Variants in GON4L observed in about 807,000 individuals in gnomAD.
The protein encoded by GON4L is gon-4 like.
GON4L carries 87 observed loss-of-function variants against 211.8 expected under a neutral mutation model. The observed-to-expected ratio is 0.41, with a 90% CI of 0.35 to 0.49. The LOEUF (loss-of-function observed/expected upper bound fraction) is 0.49. Among genes scored for constraint, GON4L ranks in the 20% least tolerant of loss-of-function variants. The pLI is 0.15. For missense variants in GON4L, 2,155 were observed against 2,659.5 expected (o/e 0.81, Z 4.17); for synonymous variants, 875 against 962.6 (o/e 0.91, Z 1.68).
intron 19 of GON4L, among the ~76,000 whole-genome samples, chr1:155,770,023 TAAAAAAAAAAAAAAAA>T (rs59380170): frequency 9.8e-4 from 43 of 43,714 alleles, no homozygotes; most frequent in South Asian, 7.8e-3. Flanking sequence ...CTCCATTTCT[TAAAAAAAAAAAAAAAA>T]AAAAAAAAAA....
chr1:155,810,565 G>A (rs567673129), intron 10 of GON4L, among the ~76,000 whole-genome samples: 139 of 151,854 alleles, frequency 9.2e-4, no homozygotes, highest in African/African-American at 3.2e-3. Context: ...AAAATTAGCC[G>A]GGCATGGTGT....
chr1:155,790,991 G>A (rs1665492778), intron 12 of GON4L, among the ~76,000 whole-genome samples: 1 of 151,676 alleles, frequency 6.6e-6, no homozygotes, highest in Non-Finnish European at 1.5e-5. Flanking sequence ...GCTGGGCGCA[G>A]TGGCTCGCGC....
intron 12 of GON4L, among the ~76,000 whole-genome samples, chr1:155,786,678 G>C (rs1311002476): frequency 6.6e-6 from 1 of 152,182 alleles, no homozygotes; most frequent in African/African-American, 2.4e-5. Flanking sequence ...AAAGCTGAAA[G>C]GGACTGCCAA....
intron 2 of GON4L, among the ~76,000 whole-genome samples, chr1:155,850,836 G>A (rs948545373): frequency 1.3e-5 from 2 of 151,278 alleles, no homozygotes; most frequent in Non-Finnish European, 2.9e-5. Context: ...GGATCACGAG[G>A]TCAGGAGTTC....
At chr1:155,813,170 A>G (rs1667947101) in intron 10 of GON4L, among the ~76,000 whole-genome samples, 1 of 152,130 alleles carries the variant, frequency 6.6e-6, no homozygotes. Context: ...GGTGGTTCAC[A>G]CCAGTAGTCC....
intron 12 of GON4L, among the ~76,000 whole-genome samples, chr1:155,787,884 C>T (rs966494019): frequency 2.0e-5 from 3 of 152,258 alleles, no homozygotes; most frequent in South Asian, 2.1e-4. Context: ...GCAGAGGCTA[C>T]GCTGACCAGA....
At chr1:155,814,234 G>A in intron 9 of GON4L, 96 bp downstream of exon 9, 3 of 1,189,366 alleles carry the variant, frequency 2.5e-6, no homozygotes, top group Non-Finnish European at 2.5e-6. Flanking sequence ...AAGGGTGACA[G>A]CCCAGAATCA....
intron 3 of GON4L, among the ~76,000 whole-genome samples, chr1:155,825,576 C>CA (rs58768970): frequency 0.82 from 115,035 of 140,522 alleles, 47,697 homozygotes; most frequent in East Asian, 0.99. Flanking sequence ...TGTCTCAAAA[C>CA]AAAAAAAAAA....
Position 155,775,044 on chromosome 1 carries a change from C to T in GON4L, c.2308G>A (p.Val770Ile), listed in dbSNP as rs1160775465. 23 of 1,613,214 alleles carry T rather than the reference C, an allele frequency of 1.4e-5. No homozygotes were observed. Among genetic ancestry groups the T allele is most frequent in the Non-Finnish European group, 1.8e-5 (21 of 1,179,380 alleles). The change falls in exon 17 of 32, where the codon GTC (valine) becomes ATC (isoleucine). Residue 770 changes from valine to isoleucine, a missense_variant. This residue lies in a region of GON4L where 551 missense variants were observed against 854.0 expected (regional missense o/e 0.65). Transcript: ENST00000368331. ...TTATGAGGGCTGCAGTCAATGCTGA[C>T]ATGTGTGCTGAAGTCTTCAATCAGC... Reference protein sequence around the residue: ...MQLIEDFSTHVSIDCSPHKTV... With the variant: ...MQLIEDFSTHISIDCSPHKTV...
chr1:155,826,712 T>C (rs1435028164), intron 3 of GON4L, 125 bp downstream of exon 3: 1 of 699,828 alleles, frequency 1.4e-6, no homozygotes, highest in East Asian at 2.7e-5. Context: ...GGGTCCTGCT[T>C]ACAAGGGTGT....
At chr1:155,827,577 TG>T (rs746032219) in intron 2 of GON4L, among the ~76,000 whole-genome samples, 1 of 151,760 alleles carries the variant, frequency 6.6e-6, no homozygotes, top group Non-Finnish European at 1.5e-5. Flanking sequence ...CCTAGTTACT[TG>T]GGGGGGCTGA....
At chr1:155,801,126 A>G (rs1379012651) in intron 11 of GON4L, among the ~76,000 whole-genome samples, 1 of 151,490 alleles carries the variant, frequency 6.6e-6, no homozygotes. Flanking sequence ...AAAAAAAAAA[A>G]AAAAAAAAAG....
chr1:155,759,936 A>G (rs1571633169), intron 24 of GON4L, among the ~76,000 whole-genome samples: 1 of 146,658 alleles, frequency 6.8e-6, no homozygotes, highest in East Asian at 2.0e-4. Flanking sequence ...TGCTGTTTAT[A>G]TTTATTTTTA....
chr1:155,831,498 T>TAAATAAAA lies in GON4L; in HGVS notation c.506-4471_506-4470insTTTTATTT, dbSNP rs1553216822. On this transcript the variant is annotated intron_variant, in intron 2 of 31. Coordinates refer to ENST00000368331, the MANE Select transcript of GON4L (RefSeq NM_001282860.2). ...ATAAATAAATAAATAAATAAATAAA[T>TAAATAAAA]AAAAAGTTATTTCTAGTTGAGCCCA... The TAAATAAAA allele has an allele frequency of 6.5e-3, 781 of 120,204 alleles. 3 individuals carry two copies. Among genetic ancestry groups the TAAATAAAA allele is most frequent in the Non-Finnish European group, 0.011 (591 of 53,704 alleles). The allele number at this position is 120,204 out of a possible 1,614,324, so 7.4% of individuals were successfully genotyped here.
At chr1:155,778,952 G>A (rs574063455) in intron 14 of GON4L, among the ~76,000 whole-genome samples, 5 of 152,014 alleles carry the variant, frequency 3.3e-5, no homozygotes, top group African/African-American at 4.8e-5. Context: ...CTGTAATATC[G>A]GGGATTCCTT....
rs1176294645 is a variant in GON4L at position 155,765,287 on chromosome 1, G to A, written c.4186C>T (p.Pro1396Ser). 1.9e-6 allele frequency: 3 copies of A among 1,613,982 alleles called. No individual in the cohort carries two copies. The highest frequency in any genetic ancestry group is 2.5e-6 in the Non-Finnish European group (3 of 1,179,948). ...GTCCCTGAGGTTCCTTCATCAGGGG[G>A]CTCTTGAGAAGATGAAGGGGTTTTA... is the stretch of plus-strand genomic sequence containing the variant. ...PTKTPSSSQEPPDEGTSGTDV... is the reference protein window; with the variant it reads ...PTKTPSSSQESPDEGTSGTDV... The change falls in exon 21 of 32, where the codon CCC becomes TCC. Residue 1396 changes from proline to serine, a missense_variant. Pro to Ser is a moderately conservative substitution (Grantham distance 74, BLOSUM62 -1). Around this residue, in one of 6 missense-constraint regions of GON4L, gnomAD observed 615 missense variants for 625.7 expected, o/e 0.98. Transcript: ENST00000368331.
intron 12 of GON4L, among the ~76,000 whole-genome samples, chr1:155,789,179 G>T (rs1384479178): frequency 6.6e-6 from 1 of 152,040 alleles, no homozygotes; most frequent in African/African-American, 2.4e-5. Flanking sequence ...TTCCTGGGGT[G>T]AGGATTCTAT....
intron 6 of GON4L, among the ~76,000 whole-genome samples, chr1:155,818,937 G>A (rs1286111826): frequency 1.3e-5 from 2 of 151,878 alleles, no homozygotes; most frequent in Admixed American, 6.6e-5. Flanking sequence ...GCCAGAGGTT[G>A]CAGTGAGCTG....
chr1:155,765,149 C>T lies in GON4L; in HGVS notation c.4324G>A (p.Val1442Met). ...GTTTCTGGCCCAACTGGAGTCCCCA[C>T]TGACTGACCATCAACACTGGATGAA... is the stretch of plus-strand genomic sequence containing the variant. Reference protein sequence around the residue: ...EDSSSVDGQSVGTPVGPETGG... With the variant: ...EDSSSVDGQSMGTPVGPETGG... Residue 1442 changes from valine (V) to methionine (M), a missense_variant, in exon 21 of 32, where the codon GTG (valine) becomes ATG (methionine). This residue lies in a region of GON4L where 615 missense variants were observed against 625.7 expected (regional missense o/e 0.98). Coordinates refer to ENST00000368331, the MANE Select transcript of GON4L (RefSeq NM_001282860.2). 2 of 1,614,220 alleles carry T rather than the reference C, an allele frequency of 1.2e-6. No homozygotes were observed. Among genetic ancestry groups the T allele is most frequent in the South Asian group, 2.2e-5 (2 of 91,090 alleles).
Sources: allele counts gnomAD v4.1 joint callset (sites outside exome capture counted in the v4.1 genomes callset), GRCh38; gene constraint gnomAD v4.1.1; regional missense constraint gnomAD v4.1.1; transcripts MANE v1.5; gene names NCBI Gene and HGNC (gene_info 2026-07-23, HGNC 2026-07-21).